The following HNF1B variants were observed in gnomAD, a reference collection of about 807,000 sequenced individuals.
HNF1B encodes the protein hepatocyte nuclear factor 1-beta.
In HNF1B, 8 loss-of-function variants were observed where a neutral mutation model predicts 61.7. The observed-to-expected ratio is 0.13, with a 90% CI of 0.08 to 0.23. The LOEUF is 0.23. Ranked by LOEUF, HNF1B falls within the 10% of genes least tolerant of loss-of-function variation. The pLI is 1.00. For synonymous variants in HNF1B, 314 were observed against 287.7 expected (o/e 1.09, Z -0.93); for missense variants, 562 against 714.5 (o/e 0.79, Z 2.43).
At chr17:37,740,301 T>C (rs1568671447) in intron 1 of HNF1B, among the ~76,000 whole-genome samples, 1 of 152,138 alleles carries the variant, frequency 6.6e-6, no homozygotes. Flanking sequence ...TTTCCTGCAA[T>C]GTGGGAGATT....
chr17:37,714,322 CTG>C (rs2033034187), intron 4 of HNF1B, among the ~76,000 whole-genome samples: 1 of 152,232 alleles, frequency 6.6e-6, no homozygotes, highest in Admixed American at 6.5e-5. Context: ...GTGCCAGGCA[CTG>C]TGTTAGGAAG....
In HNF1B at chr17:37,701,146, A is replaced by G. The variant is rs1411262567; in HGVS notation, c.1371T>C (p.Pro457=). Reference sequence around the variant, plus strand: ...GGCTGCCGGCCACACTGTTGATGACAGGGACACTCTGTGCTTGGGAGGTGT... The same window carrying G: ...GGCTGCCGGCCACACTGTTGATGACGGGGACACTCTGTGCTTGGGAGGTGT... The part of the protein sequence containing the change: ...SLNTSQAQSV[P]VINSVAGSLA... The change falls in exon 7 of 9, where the codon CCT becomes CCC. Residue 457 remains proline, a synonymous_variant. Transcript: ENST00000617811. The G allele has an allele frequency of 1.9e-6, 3 of 1,551,754 alleles. No homozygotes were observed. The highest frequency in any genetic ancestry group is 2.6e-6 in the Non-Finnish European group (3 of 1,147,410).
In HNF1B at chr17:37,687,347, G is replaced by C. The variant is rs193243340; in HGVS notation, c.*25C>G. On this transcript the variant is annotated 3_prime_UTR_variant, in exon 9 of 9. Transcript: ENST00000617811. Reference sequence around the variant, plus strand: ...TGGAAAACAGGGTCCTTGTTGTTGCGCACGAAGTAAGTGGTGTGTGGGCAT... The same window carrying C: ...TGGAAAACAGGGTCCTTGTTGTTGCCCACGAAGTAAGTGGTGTGTGGGCAT... 3.1e-6 allele frequency: 5 copies of C among 1,614,046 alleles called. No homozygotes were observed. The highest frequency in any genetic ancestry group is 4.2e-6 in the Non-Finnish European group (5 of 1,180,022).
chr17:37,734,400 G>C (rs1014880342), intron 2 of HNF1B, among the ~76,000 whole-genome samples: 1 of 152,182 alleles, frequency 6.6e-6, no homozygotes, highest in Non-Finnish European at 1.5e-5. Flanking sequence ...ATGTGCTTTA[G>C]ATCTCAAAAT....
At chr17:37,717,930 C>G (rs1005279822) in intron 4 of HNF1B, among the ~76,000 whole-genome samples, 9 of 152,098 alleles carry the variant, frequency 5.9e-5, no homozygotes, top group Non-Finnish European at 4.4e-5. Flanking sequence ...AAAGCTGATG[C>G]AAGATGAAAG....
At chr17:37,700,017 A>G (rs1598805088) in intron 7 of HNF1B, among the ~76,000 whole-genome samples, 1 of 152,236 alleles carries the variant, frequency 6.6e-6, no homozygotes, top group African/African-American at 2.4e-5. Flanking sequence ...TTTATTTCAT[A>G]TTCATAATGA....
Position 37,744,589 on chromosome 17 carries a change from T to G in HNF1B, c.296A>C (p.Asn99Thr). 6.2e-7 allele frequency: 1 copy of G among 1,607,866 alleles called. No homozygotes were observed. Among genetic ancestry groups the G allele is most frequent in the Non-Finnish European group, 8.5e-7 (1 of 1,179,950 alleles). ...CCGCTGCTCCGCCGCCTCCTCGGTG[T>G]TGAGCGCCTGCAGCTCCTTGAGGAT... ...PPILKELQAL[N>T]TEEAAEQRAE... Residue 99 changes from asparagine (N) to threonine (T), a missense_variant, in exon 1 of 9, where the codon AAC (asparagine) becomes ACC (threonine). Physicochemically the swap from Asn to Thr is moderately conservative, Grantham distance 65. Transcript: ENST00000617811.
chr17:37,734,789 CTTT>C (rs67472247), intron 2 of HNF1B, among the ~76,000 whole-genome samples: 2 of 140,668 alleles, frequency 1.4e-5, no homozygotes, highest in Non-Finnish European at 3.1e-5. Flanking sequence ...ATCTTAATAT[CTTT>C]TTTTTTTTTT....
intron 1 of HNF1B, among the ~76,000 whole-genome samples, chr17:37,743,729 G>A (rs1324635619): frequency 6.6e-6 from 1 of 152,240 alleles, no homozygotes; most frequent in African/African-American, 2.4e-5. Context: ...AAACGATCCC[G>A]GCCCTGGGGA....
intron 5 of HNF1B, 123 bp from the exon 6 acceptor site, chr17:37,705,172 C>T: frequency 9.4e-7 from 1 of 1,061,244 alleles, no homozygotes; most frequent in East Asian, 2.6e-5. Context: ...CCTTCATTCA[C>T]TCAATAACAA....
chr17:37,700,930 T>C (rs900479911), intron 7 of HNF1B, 53 bp downstream of exon 7: 4 of 1,497,456 alleles, frequency 2.7e-6, no homozygotes, highest in Non-Finnish European at 2.7e-6. Context: ...GGGAAAGTGG[T>C]TGGCCACTGA....
intron 7 of HNF1B, among the ~76,000 whole-genome samples, chr17:37,699,652 C>A (rs751274249): frequency 1.1e-3 from 169 of 152,320 alleles, no homozygotes; most frequent in Non-Finnish European, 1.6e-3. Flanking sequence ...ACTGAGGAAG[C>A]CTGGCCAGGT....
chr17:37,720,441 C>A (rs1344347115), intron 4 of HNF1B, among the ~76,000 whole-genome samples: 1 of 151,860 alleles, frequency 6.6e-6, no homozygotes, highest in Non-Finnish European at 1.5e-5. Context: ...TATACTTAAG[C>A]AGTGTTAATA....
intron 4 of HNF1B, among the ~76,000 whole-genome samples, chr17:37,716,273 C>T (rs866868675): frequency 1.3e-5 from 2 of 152,156 alleles, no homozygotes; most frequent in Non-Finnish European, 2.9e-5. Flanking sequence ...TCTCGGCTCA[C>T]GGCAACCTTC....
At chr17:37,723,336 C>T (rs1310468851) in intron 4 of HNF1B, among the ~76,000 whole-genome samples, 1 of 151,394 alleles carries the variant, frequency 6.6e-6, no homozygotes, top group Non-Finnish European at 1.5e-5. Flanking sequence ...GATAGCGAGA[C>T]TCTGTCTCAA....
intron 5 of HNF1B, among the ~76,000 whole-genome samples, chr17:37,707,208 T>G (rs928317219): frequency 6.6e-6 from 1 of 151,742 alleles, no homozygotes. Context: ...TTCGAACTCC[T>G]GGAATTAAGC....
intron 4 of HNF1B, among the ~76,000 whole-genome samples, chr17:37,722,261 A>G (rs1444436491): frequency 6.6e-6 from 1 of 152,202 alleles, no homozygotes; most frequent in East Asian, 1.9e-4. Context: ...TTCTCTCAAC[A>G]CCCTGAAGTT....
chr17:37,701,209 GC>G (rs776592492), intron 6 of HNF1B, 32 bp from the exon 7 acceptor site: 1 of 1,542,134 alleles, frequency 6.5e-7, no homozygotes, highest in Non-Finnish European at 8.8e-7. Context: ...ATCACAGACA[GC>G]TCCTGGGATA....
intron 4 of HNF1B, among the ~76,000 whole-genome samples, chr17:37,716,877 T>TCTCTCC (rs2033139781): frequency 7.5e-6 from 1 of 132,590 alleles, no homozygotes; most frequent in African/African-American, 3.2e-5. Flanking sequence ...TCTCTCTCTC[T>TCTCTCC]CTCTCTCTCT....
Sources: allele counts gnomAD v4.1 joint callset (sites outside exome capture counted in the v4.1 genomes callset), GRCh38; gene constraint gnomAD v4.1.1; transcripts MANE v1.5; gene names NCBI Gene and HGNC (gene_info 2026-07-23, HGNC 2026-07-21).